Variants in PIEZO1 observed in about 807,000 individuals in gnomAD.
PIEZO1 encodes the protein piezo-type mechanosensitive ion channel component 1.
A neutral mutation model predicts 297.2 loss-of-function variants in PIEZO1; 296 were observed. The ratio of observed to expected loss-of-function variants is 1.00; its 90% CI spans 0.91 to 1.10. The LOEUF (loss-of-function observed/expected upper bound fraction) is 1.10. PIEZO1 is among the 50% of genes least tolerant of loss of function. The pLI is 0.00. For synonymous variants in PIEZO1, 2,427 were observed against 1,507.5 expected (o/e 1.61, Z -14.13); for missense variants, 5,018 against 3,455.5 (o/e 1.45, Z -11.34).
In PIEZO1 at chr16:88,754,722, G is replaced by A. The variant is rs188275147; in HGVS notation, c.65-5243C>T. 1.6e-3 allele frequency among the ~76,000 whole-genome samples: 246 copies of A among 152,342 alleles called. 1 individual carries two copies. Among genetic ancestry groups the A allele is most frequent in the Non-Finnish European group, 2.8e-3 (192 of 68,018 alleles). On this transcript the variant is annotated intron_variant, in intron 1 of 50. Coordinates refer to ENST00000301015, the MANE Select transcript of PIEZO1 (RefSeq NM_001142864.4). ...AGCAGGGGGGCTCCGTGAAACAGCC[G>A]GTGCGGCCTGTGTGTGACCCCACAC...
chr16:88,719,207 C>G (rs1319028267), intron 44 of PIEZO1: 1 of 260,668 alleles, frequency 3.8e-6, no homozygotes, highest in East Asian at 1.0e-4. Context: ...CCACTAGAAA[C>G]CCCTGAGTTG....
At chr16:88,775,660 C>T (rs1300072406) in intron 1 of PIEZO1, among the ~76,000 whole-genome samples, 4 of 138,708 alleles carry the variant, frequency 2.9e-5, no homozygotes, top group African/African-American at 5.4e-5. Flanking sequence ...ACCAGGGAGG[C>T]GGAGGGTGCA....
chr16:88,731,785 G>A lies in PIEZO1; in HGVS notation c.3117C>T (p.Pro1039=), dbSNP rs1342167710. ...RHRQAIARLW[P]NYCLFLALFL... is the part of the protein sequence containing the mutation. ...ACAGCGCCAGGAAGAGGCAGTAGTT[G>A]GGCCAGAGGCGGGCAATGGCCTGGC... Residue 1039 remains proline, a synonymous_variant, in exon 22 of 51, where the codon CCC becomes CCT. Coordinates refer to ENST00000301015, the MANE Select transcript of PIEZO1 (RefSeq NM_001142864.4). 1.9e-6 allele frequency: 3 copies of A among 1,549,516 alleles called. No individual in the cohort carries two copies. In the Admixed American group the frequency reaches 5.9e-5, roughly 30 times the overall value.
At chr16:88,780,197 C>T (rs766036140) in intron 1 of PIEZO1, among the ~76,000 whole-genome samples, 69 of 152,210 alleles carry the variant, frequency 4.5e-4, no homozygotes, top group Non-Finnish European at 5.7e-4. Flanking sequence ...GGGACTCAAC[C>T]GCCAAGGAGA....
intron 29 of PIEZO1, 70 bp downstream of exon 29, chr16:88,725,346 G>A (rs116950354): frequency 0.012 from 11,154 of 965,514 alleles, 90 homozygotes; most frequent in Non-Finnish European, 0.014. Flanking sequence ...GGGCACAGAC[G>A]CAGCACACGC....
rs1183185766 is a variant in PIEZO1, at chr16:88,719,804, C to A, written c.6321G>T (p.Gln2107His). The change falls in exon 43 of 51, where the codon CAG (glutamine) becomes CAT (histidine). Residue 2107 changes from glutamine (Q) to histidine (H), a missense_variant and splice_region_variant. Physicochemically the swap from Gln to His is conservative, Grantham distance 24 (BLOSUM62 0). Coordinates refer to ENST00000301015, the MANE Select transcript of PIEZO1 (RefSeq NM_001142864.4). ...CACCCCGGCGGACCTGCACTCACCC[C>A]TGGAAGAGGAAGAGGTTGAGATGAT... Reference protein sequence around the residue: ...KYNHLNLFLFQGFRLVPFLVE... With the variant: ...KYNHLNLFLFHGFRLVPFLVE... The A allele has an allele frequency of 6.4e-7, 1 of 1,550,406 alleles. No individual in the cohort carries two copies. Among genetic ancestry groups the A allele is most frequent in the Non-Finnish European group, 8.7e-7 (1 of 1,146,944 alleles).
chr16:88,738,719 A>T lies in PIEZO1; in HGVS notation c.483T>A (p.Asp161Glu). The change falls in exon 6 of 51, where the codon GAT becomes GAA. Residue 161 changes from aspartate to glutamate, a missense_variant. Coordinates refer to ENST00000301015, the MANE Select transcript of PIEZO1 (RefSeq NM_001142864.4). ...GCCCTGCCGTCGGGCTGGCATCCACATCCCTCTCATCATCATCCTGCCAAG... is the reference window on the plus strand; with the variant it reads ...GCCCTGCCGTCGGGCTGGCATCCACTTCCCTCTCATCATCATCCTGCCAAG... ...HPRELDDDERDVDASPTAGLQ... is the reference protein window; with the variant it reads ...HPRELDDDEREVDASPTAGLQ... 1 of 1,531,986 alleles carries T rather than the reference A, an allele frequency of 6.5e-7. No individual in the cohort carries two copies. Among genetic ancestry groups the T allele is most frequent in the Non-Finnish European group, 8.7e-7 (1 of 1,143,852 alleles). 94.9% of individuals were successfully genotyped at this position (1,531,986 alleles called of 1,614,324 possible). A position where few individuals can be genotyped will look rare whatever the true frequency, so the allele number is the denominator to read the frequency against.
chr16:88,765,901 T>C lies in PIEZO1; in HGVS notation c.65-16422A>G, dbSNP rs2054834260. Among the ~76,000 whole-genome samples, 11 of 152,084 alleles carry C rather than the reference T, an allele frequency of 7.2e-5. No homozygotes were observed. In the South Asian group the frequency reaches 2.3e-3, roughly 32 times the overall value. On this transcript the variant is annotated intron_variant, in intron 1 of 50. Transcript: ENST00000301015. The stretch of plus-strand genomic sequence containing the variant: ...GTTGGCCAGGCTGGTCTCGAACTCC[T>C]GACCTCAGGTGACCCGCCCACCCAG...
Position 88,748,425 on chromosome 16 carries a change from G to A in PIEZO1, c.160+959C>T, listed in dbSNP as rs1056322381. 5.9e-4 allele frequency among the ~76,000 whole-genome samples: 21 copies of A among 35,708 alleles called. No homozygotes were observed. In the Middle Eastern group the frequency reaches 0.042, roughly 71 times the overall value. The allele number at this position is 35,708 out of a possible 152,430, so 23.4% of individuals were successfully genotyped here. Reference sequence around the variant, plus strand: ...TCACCGCCCTCTGTTTGGAGGATACGGGAGAGCAACACAGTCCTGGCCCAG... The same window carrying A: ...TCACCGCCCTCTGTTTGGAGGATACAGGAGAGCAACACAGTCCTGGCCCAG... On this transcript the variant is annotated intron_variant, in intron 2 of 50. Coordinates refer to ENST00000301015, the MANE Select transcript of PIEZO1 (RefSeq NM_001142864.4).
chr16:88,734,300 C>A, intron 16 of PIEZO1, 56 bp downstream of exon 16: 1 of 1,425,044 alleles, frequency 7.0e-7, no homozygotes, highest in East Asian at 2.5e-5. Flanking sequence ...CTGGCTCCCT[C>A]CCTGGCCCAG....
At chr16:88,749,321 G>T in intron 2 of PIEZO1, 63 bp downstream of exon 2, 1 of 1,064,042 alleles carries the variant, frequency 9.4e-7, no homozygotes, top group Non-Finnish European at 1.3e-6. Flanking sequence ...TACGAATTTT[G>T]GCCCCAAACG....
chr16:88,777,856 T>C (rs964483561), intron 1 of PIEZO1, among the ~76,000 whole-genome samples: 2 of 152,050 alleles, frequency 1.3e-5, no homozygotes, highest in African/African-American at 4.8e-5. Context: ...CCCACGCCTG[T>C]GCCTTCCTTC....
At chr16:88,774,483 A>G (rs1907568956) in intron 1 of PIEZO1, among the ~76,000 whole-genome samples, 1 of 152,232 alleles carries the variant, frequency 6.6e-6, no homozygotes, top group African/African-American at 2.4e-5. Context: ...GATAGCCAGG[A>G]CAGCTCAGGG....
intron 2 of PIEZO1, 68 bp from the exon 3 acceptor site, chr16:88,742,490 C>G (rs373261298): frequency 1.0e-5 from 15 of 1,484,786 alleles, no homozygotes; most frequent in South Asian, 6.1e-5. Flanking sequence ...GGCCGCTCAG[C>G]CGGACAATAG....
Position 88,716,950 on chromosome 16 carries a change from C to T in PIEZO1, c.6661-52G>A, listed in dbSNP as rs985349008. 2.6e-6 allele frequency: 4 copies of T among 1,546,786 alleles called. No homozygotes were observed. In the African/African-American group the frequency reaches 4.1e-5, roughly 16 times the overall value. Reference sequence around the variant, plus strand: ...CACGAAGATGAGCGTGGAGGAGCGGCTGGGGGTGGTGCACCACCTTGGCCA... The same window carrying T: ...CACGAAGATGAGCGTGGAGGAGCGGTTGGGGGTGGTGCACCACCTTGGCCA... On this transcript the variant is annotated intron_variant, in intron 45 of 50. Coordinates refer to ENST00000301015, the MANE Select transcript of PIEZO1 (RefSeq NM_001142864.4).
Position 88,731,716 on chromosome 16 carries a change from G to C in PIEZO1, c.3186C>G (p.Ala1062=). Residue 1062 remains alanine, a synonymous_variant, in exon 22 of 51, where the codon GCC becomes GCG. Coordinates refer to ENST00000301015, the MANE Select transcript of PIEZO1 (RefSeq NM_001142864.4). ...QYLLCLGMPP[A]LCIDYPWRWS... is the part of the protein sequence containing the mutation. ...CCACGTGCCCCTCACCAATGCACAG[G>C]GCCGGGGGCATCCCCAGGCACAGCA... 2.6e-6 allele frequency: 4 copies of C among 1,549,292 alleles called. No homozygotes were observed. Among genetic ancestry groups the C allele is most frequent in the Non-Finnish European group, 2.6e-6 (3 of 1,146,504 alleles).
intron 37 of PIEZO1, 29 bp from the exon 38 acceptor site, chr16:88,721,755 GA>G: frequency 6.5e-7 from 1 of 1,535,526 alleles, no homozygotes. Context: ...AGCACGCGGG[GA>G]GGGTCACGGC....
intron 1 of PIEZO1, among the ~76,000 whole-genome samples, chr16:88,765,108 ACCCAG>A (rs1567691237): frequency 6.6e-6 from 1 of 152,182 alleles, no homozygotes; most frequent in East Asian, 1.9e-4. Context: ...ACCCAGCGGC[ACCCAG>A]CCCCCTGGCC....
rs948359372 is a variant in PIEZO1, at chr16:88,719,670, C to T, written c.6375G>A (p.Val2125=). ...ACAGGGACAGCGTGGTGTCCGTCCA[C>T]ACCCAGTCCATCACTGCCCGCAGCT... ...LVELRAVMDW[V]WTDTTLSLSS... is the part of the protein sequence containing the mutation. Residue 2125 remains valine (V), a synonymous_variant, in exon 44 of 51, where the codon GTG becomes GTA. Coordinates refer to ENST00000301015, the MANE Select transcript of PIEZO1 (RefSeq NM_001142864.4). 26 of 1,553,524 alleles carry T rather than the reference C, an allele frequency of 1.7e-5. No homozygotes were observed. The highest frequency in any genetic ancestry group is 5.5e-5 in the African/African-American group (4 of 73,116).
Sources: gnomAD v4.1 joint callset for allele counts (sites outside exome capture counted in the v4.1 genomes callset) on GRCh38, gnomAD v4.1.1 for gene constraint, MANE v1.5 for transcripts, NCBI Gene and HGNC (gene_info 2026-07-23, HGNC 2026-07-21) for gene names.